The following CCDC102B variants were observed in gnomAD, a reference collection of about 807,000 sequenced individuals.
CCDC102B encodes the protein coiled-coil domain containing 102B, also known as coiled-coil domain-containing protein 102B.
In CCDC102B, 75 loss-of-function variants were observed where a neutral mutation model predicts 57.4. The ratio of observed to expected loss-of-function variants is 1.31; its 90% confidence interval spans 1.08 to 1.58. CCDC102B has a LOEUF of 1.58. Ranked by LOEUF, CCDC102B falls within the 40% of genes most tolerant of loss-of-function variation. CCDC102B has a pLI of 0.00. For missense variants in CCDC102B, 636 were observed against 582.6 expected (o/e 1.09, Z -0.94); for synonymous variants, 206 against 201.9 (o/e 1.02, Z -0.17).
chr18:69,039,059 A>AGGGG (rs1441306743), intron 7 of CCDC102B, among the ~76,000 whole-genome samples: 1 of 149,600 alleles, frequency 6.7e-6, no homozygotes, highest in Non-Finnish European at 1.5e-5. Flanking sequence ...ACAGTGCAAC[A>AGGGG]GGGGGGTTCC....
chr18:68,770,252 G>A (rs943488242), intron 2 of CCDC102B, among the ~76,000 whole-genome samples: 1 of 152,084 alleles, frequency 6.6e-6, no homozygotes, highest in South Asian at 2.1e-4. Flanking sequence ...ATCTCCACTA[G>A]TTGATGCAAT....
At chr18:68,867,788 G>T (rs79799863) in intron 4 of CCDC102B, among the ~76,000 whole-genome samples, 106,172 of 151,194 alleles carry the variant, frequency 0.7, 37,708 homozygotes, top group East Asian at 1. Flanking sequence ...CAAAAAATTA[G>T]TCAGGAGTGG....
chr18:68,911,082 C>T (rs1459502292), intron 6 of CCDC102B, among the ~76,000 whole-genome samples: 3 of 152,136 alleles, frequency 2.0e-5, no homozygotes, highest in Non-Finnish European at 4.4e-5. Flanking sequence ...GTCCCATTAC[C>T]AGGTACATAC....
At chr18:68,903,697 C>G (rs2040528641) in intron 6 of CCDC102B, among the ~76,000 whole-genome samples, 1 of 152,132 alleles carries the variant, frequency 6.6e-6, no homozygotes, top group African/African-American at 2.4e-5. Flanking sequence ...GGTCCATATT[C>G]TTTTGAGAAA....
At chr18:68,976,806 G>A (rs182014960) in intron 6 of CCDC102B, among the ~76,000 whole-genome samples, 53 of 151,748 alleles carry the variant, frequency 3.5e-4, no homozygotes, top group African/African-American at 1.2e-3. Context: ...AATTTCCTTG[G>A]CCTTTTTTTT....
intron 4 of CCDC102B, among the ~76,000 whole-genome samples, chr18:68,870,389 C>T (rs894632015): frequency 1.3e-5 from 2 of 152,124 alleles, no homozygotes; most frequent in African/African-American, 4.8e-5. Context: ...GATTATCCTT[C>T]GACCCTTGAT....
At chr18:68,730,641 A>T (rs138481964) in intron 2 of CCDC102B, among the ~76,000 whole-genome samples, 2 of 152,330 alleles carry the variant, frequency 1.3e-5, no homozygotes, top group African/African-American at 4.8e-5. Context: ...AATGTTAAAC[A>T]TTAATGTAAT....
At chr18:68,980,261 T>C (rs1460363735) in intron 6 of CCDC102B, among the ~76,000 whole-genome samples, 1 of 151,814 alleles carries the variant, frequency 6.6e-6, no homozygotes, top group Admixed American at 6.6e-5. Flanking sequence ...AATCCTTTTT[T>C]TTTTTTTTAA....
Position 68,958,322 on chromosome 18 carries a change from T to C in CCDC102B, c.1264-52612T>C, listed in dbSNP as rs544254534. Reference sequence around the variant, plus strand: ...ATATCAAATGCTTTTTCAGCATCAATTGAAATTATCATATAATTTGTCTTT... The same window carrying C: ...ATATCAAATGCTTTTTCAGCATCAACTGAAATTATCATATAATTTGTCTTT... On this transcript the variant is annotated intron_variant, in intron 6 of 7. Transcript: ENST00000360242. Among the ~76,000 whole-genome samples, 7 of 152,318 alleles carry C rather than the reference T, an allele frequency of 4.6e-5. No individual in the cohort carries two copies. In the East Asian group the frequency reaches 1.2e-3, roughly 25 times the overall value.
chr18:69,015,719 T>C (rs929382757), intron 7 of CCDC102B, among the ~76,000 whole-genome samples: 1 of 152,206 alleles, frequency 6.6e-6, no homozygotes, highest in African/African-American at 2.4e-5. Context: ...AAGAATTTCT[T>C]TTTTGGATGA....
chr18:68,718,068 AC>A (rs772492766), intron 2 of CCDC102B: 8 of 150,466 alleles, frequency 5.3e-5, no homozygotes, highest in Non-Finnish European at 7.3e-5. Flanking sequence ...ATCAGATACC[AC>A]ACCTGCTGAC....
intron 6 of CCDC102B, among the ~76,000 whole-genome samples, chr18:68,980,379 T>A (rs1482092187): frequency 6.7e-6 from 1 of 149,528 alleles, no homozygotes; most frequent in African/African-American, 2.5e-5. Context: ...GTCCTGTCAC[T>A]ATTCTAGGTC....
chr18:68,719,885 G>A (rs2032232781), intron 2 of CCDC102B, among the ~76,000 whole-genome samples: 1 of 151,994 alleles, frequency 6.6e-6, no homozygotes, highest in African/African-American at 2.4e-5. Flanking sequence ...AAAACAAACA[G>A]GCCCATTTCA....
chr18:68,786,147 G>A (rs1173710232), intron 2 of CCDC102B, among the ~76,000 whole-genome samples: 1 of 148,628 alleles, frequency 6.7e-6, no homozygotes, highest in African/African-American at 2.5e-5. Context: ...GTAGATATGT[G>A]GCATTATTTC....
At chr18:68,770,169 G>T (rs2034594281) in intron 2 of CCDC102B, among the ~76,000 whole-genome samples, 1 of 152,168 alleles carries the variant, frequency 6.6e-6, no homozygotes, top group Non-Finnish European at 1.5e-5. Flanking sequence ...GGGACCATGT[G>T]AATATTTCAC....
At chr18:68,870,189 C>G (rs1204725335) in intron 4 of CCDC102B, among the ~76,000 whole-genome samples, 2 of 151,904 alleles carry the variant, frequency 1.3e-5, no homozygotes, top group African/African-American at 4.8e-5. Context: ...ACACCGGAGC[C>G]TGTCAGGGGG....
intron 7 of CCDC102B, among the ~76,000 whole-genome samples, chr18:69,015,165 G>A (rs1160941360): frequency 6.6e-6 from 1 of 152,154 alleles, no homozygotes; most frequent in Non-Finnish European, 1.5e-5. Context: ...GTATCACAGG[G>A]AGAAGTAACT....
chr18:68,793,228 T>C (rs2035521092), upstream of CCDC102B, among the ~76,000 whole-genome samples: 1 of 152,216 alleles, frequency 6.6e-6, no homozygotes, highest in Non-Finnish European at 1.5e-5. Context: ...TTGCTGACAT[T>C]GTAACATGTT....
intron 2 of CCDC102B, among the ~76,000 whole-genome samples, chr18:68,769,566 G>A (rs2144609934): frequency 6.6e-6 from 1 of 152,108 alleles, no homozygotes; most frequent in South Asian, 2.1e-4. Context: ...TCCAATCAAA[G>A]CCTTGGGCTC....
Sources: allele counts gnomAD v4.1 joint callset (sites outside exome capture counted in the v4.1 genomes callset), GRCh38; gene constraint gnomAD v4.1.1; transcripts MANE v1.5; gene names NCBI Gene and HGNC (gene_info 2026-07-23, HGNC 2026-07-21).